Variants in FRMD4A observed in about 807,000 individuals in gnomAD.
FRMD4A encodes FERM domain-containing protein 4A.
In FRMD4A, 29 loss-of-function variants were observed where a neutral mutation model predicts 129.1. The ratio of observed to expected loss-of-function variants is 0.22; its 90% CI spans 0.17 to 0.31. The LOEUF is 0.31. Among genes scored for constraint, FRMD4A ranks in the 10% least tolerant of loss-of-function variants. The pLI is 1.00. For synonymous variants in FRMD4A, 634 were observed against 571.6 expected, an observed-to-expected ratio of 1.11 and a Z score of -1.56; for missense variants, 1,272 against 1,375.8, an observed-to-expected ratio of 0.92 and a Z score of 1.19.
At chr10:14,048,598 G>C (rs957641265) in intron 2 of FRMD4A, among the ~76,000 whole-genome samples, 2 of 152,052 alleles carry the variant, frequency 1.3e-5, no homozygotes, top group African/African-American at 4.8e-5. Flanking sequence ...TTGAGGTCAG[G>C]AGTACAAGAC....
intron 2 of FRMD4A, among the ~76,000 whole-genome samples, chr10:14,257,624 G>T (rs1413447823): frequency 1.3e-5 from 2 of 152,166 alleles, no homozygotes; most frequent in Non-Finnish European, 2.9e-5. Context: ...TTTAGTGTGG[G>T]CCCTAATCCA....
chr10:13,726,428 T>C (rs1463935950), intron 12 of FRMD4A, among the ~76,000 whole-genome samples: 1 of 152,226 alleles, frequency 6.6e-6, no homozygotes, highest in Admixed American at 6.5e-5. Flanking sequence ...TGACTTTAAC[T>C]CAGACTAAAA....
intron 2 of FRMD4A, among the ~76,000 whole-genome samples, chr10:14,165,259 A>T (rs961014096): frequency 6.6e-6 from 1 of 152,234 alleles, no homozygotes; most frequent in African/African-American, 2.4e-5. Context: ...AGCATATGAA[A>T]AAATGCTCAG....
At chr10:13,817,334 C>A (rs758160525) in intron 3 of FRMD4A, among the ~76,000 whole-genome samples, 1 of 152,216 alleles carries the variant, frequency 6.6e-6, no homozygotes, top group Non-Finnish European at 1.5e-5. Context: ...GAACTGTTCA[C>A]GTTCCCAGCA....
At chr10:14,064,624 C>T (rs986759878) in intron 2 of FRMD4A, among the ~76,000 whole-genome samples, 4 of 152,156 alleles carry the variant, frequency 2.6e-5, no homozygotes, top group Admixed American at 2.0e-4. Flanking sequence ...ATCGTCTAGG[C>T]TGGAGTACAG....
intron 3 of FRMD4A, among the ~76,000 whole-genome samples, chr10:13,827,139 A>T (rs956824850): frequency 6.6e-6 from 1 of 152,222 alleles, no homozygotes; most frequent in Non-Finnish European, 1.5e-5. Flanking sequence ...ACTGCAGGGC[A>T]CAGAATTGGA....
intron 2 of FRMD4A, among the ~76,000 whole-genome samples, chr10:13,967,634 C>A (rs908556093): frequency 6.6e-6 from 1 of 152,242 alleles, no homozygotes; most frequent in African/African-American, 2.4e-5. Context: ...TGATCTGAGT[C>A]AGTCCTCATG....
chr10:13,814,580 C>CAAAA (rs553044764), intron 3 of FRMD4A, among the ~76,000 whole-genome samples: 589 of 41,184 alleles, frequency 0.014, 16 homozygotes, highest in Non-Finnish European at 0.017. Context: ...GACCCTGTTT[C>CAAAA]AAAAAAAAAA....
At chr10:13,969,803 C>T (rs561407440) in intron 2 of FRMD4A, among the ~76,000 whole-genome samples, 9 of 152,308 alleles carry the variant, frequency 5.9e-5, no homozygotes, top group South Asian at 2.1e-4. Flanking sequence ...GTCGTGATTG[C>T]ACCACTGCAC....
At chr10:13,944,047 T>C (rs961721375) in intron 2 of FRMD4A, among the ~76,000 whole-genome samples, 3 of 152,220 alleles carry the variant, frequency 2.0e-5, no homozygotes, top group Non-Finnish European at 2.9e-5. Context: ...AGAGACCATC[T>C]GTCCAGGTCT....
chr10:14,095,532 G>A (rs553508537), intron 2 of FRMD4A, among the ~76,000 whole-genome samples: 5 of 152,316 alleles, frequency 3.3e-5, no homozygotes, highest in East Asian at 3.9e-4. Flanking sequence ...GAAGCACCTC[G>A]CCGGGATACT....
At chr10:14,276,674 A>G (rs944650340) in intron 2 of FRMD4A, among the ~76,000 whole-genome samples, 1 of 152,166 alleles carries the variant, frequency 6.6e-6, no homozygotes, top group Non-Finnish European at 1.5e-5. Flanking sequence ...AGAAGGAAAC[A>G]GATGAGAGGA....
intron 2 of FRMD4A, among the ~76,000 whole-genome samples, chr10:14,210,167 C>G (rs969037816): frequency 6.6e-6 from 1 of 152,148 alleles, no homozygotes; most frequent in African/African-American, 2.4e-5. Flanking sequence ...CATTGAAATC[C>G]TAACTCCCAA....
intron 3 of FRMD4A, among the ~76,000 whole-genome samples, chr10:13,848,416 CA>C (rs2094086113): frequency 1.3e-5 from 2 of 148,632 alleles, no homozygotes; most frequent in African/African-American, 5.0e-5. Context: ...CATTTTACAA[CA>C]GGTTAAAATT....
chr10:14,317,756 G>GAAA (rs66793271), intron 2 of FRMD4A, among the ~76,000 whole-genome samples: 2,881 of 123,242 alleles, frequency 0.023, 142 homozygotes, highest in African/African-American at 0.075. Context: ...ACAAGAGACG[G>GAAA]AAAAAAAAAA....
intron 2 of FRMD4A, among the ~76,000 whole-genome samples, chr10:14,300,980 T>C (rs1295545316): frequency 6.6e-6 from 1 of 152,160 alleles, no homozygotes; most frequent in Non-Finnish European, 1.5e-5. Context: ...CTTTGGGCCA[T>C]GTTGTATTAG....
chr10:13,990,112 C>T (rs1288001558), intron 2 of FRMD4A, among the ~76,000 whole-genome samples: 2 of 152,204 alleles, frequency 1.3e-5, no homozygotes, highest in African/African-American at 2.4e-5. Flanking sequence ...CTTAATCTCT[C>T]TCTATTCTCT....
At chr10:13,737,608 T>C (rs553008282) in intron 12 of FRMD4A, among the ~76,000 whole-genome samples, 1 of 152,126 alleles carries the variant, frequency 6.6e-6, no homozygotes, top group South Asian at 2.1e-4. Flanking sequence ...GCCAGTCATC[T>C]CACCTTAAGT....
intron 2 of FRMD4A, among the ~76,000 whole-genome samples, chr10:13,886,317 A>T (rs1407709691): frequency 2.6e-5 from 4 of 152,120 alleles, no homozygotes; most frequent in Non-Finnish European, 4.4e-5. Context: ...TGAACAGGCT[A>T]ATCCCACAGG....
Sources: gnomAD v4.1 joint callset for allele counts (sites outside exome capture counted in the v4.1 genomes callset) on GRCh38, gnomAD v4.1.1 for gene constraint, MANE v1.5 for transcripts, NCBI Gene and HGNC (gene_info 2026-07-23, HGNC 2026-07-21) for gene names.